Variants in KCNH5 observed in about 807,000 individuals in gnomAD.
KCNH5 encodes potassium voltage-gated channel subfamily H member 5.
KCNH5 carries 46 observed loss-of-function variants against 96.1 expected under a neutral mutation model. The ratio of observed to expected loss-of-function variants is 0.48; its 90% confidence interval spans 0.38 to 0.61. The LOEUF is 0.61. Among genes scored for constraint, KCNH5 ranks in the 20% least tolerant of loss-of-function variants. The pLI is 0.00. For missense variants in KCNH5, 907 were observed against 1,225.8 expected, an observed-to-expected ratio of 0.74 and a Z score of 3.88; for synonymous variants, 439 against 449.8, an observed-to-expected ratio of 0.98 and a Z score of 0.30.
In KCNH5 at chr14:62,890,539, C is replaced by CAA. The variant is rs147455504; in HGVS notation, c.1370-40689_1370-40688dup. Among the ~76,000 whole-genome samples the CAA allele has an allele frequency of 2.6e-3, 382 of 147,628 alleles. 10 individuals are homozygous for CAA. In the East Asian group the frequency reaches 0.05, roughly 19 times the overall value. On this transcript the variant is annotated intron_variant, in intron 7 of 10. Transcript: ENST00000322893. ...TGAAACCCCGTCTCTACTAAAAATA[C>CAA]AAAAAAAAAATTAGCCGGGCGTGGT...
intron 7 of KCNH5, among the ~76,000 whole-genome samples, chr14:62,875,246 C>T (rs1170425420): frequency 1.3e-5 from 2 of 151,070 alleles, no homozygotes; most frequent in Admixed American, 1.3e-4. Context: ...GAATCAATAT[C>T]GTGAAAATGG....
intron 7 of KCNH5, among the ~76,000 whole-genome samples, chr14:62,859,918 G>A (rs1289563139): frequency 2.0e-5 from 3 of 152,228 alleles, no homozygotes; most frequent in Non-Finnish European, 4.4e-5. Flanking sequence ...GGAAGAGAAG[G>A]CAGGGTGGCA....
At chr14:62,979,439 A>G (rs1031162830) in intron 6 of KCNH5, among the ~76,000 whole-genome samples, 1 of 152,056 alleles carries the variant, frequency 6.6e-6, no homozygotes, top group African/African-American at 2.4e-5. Flanking sequence ...GGGAAATAAT[A>G]TTTATATTAT....
intron 9 of KCNH5, among the ~76,000 whole-genome samples, chr14:62,794,142 T>C (rs1361021968): frequency 6.6e-6 from 1 of 151,986 alleles, no homozygotes; most frequent in Non-Finnish European, 1.5e-5. Context: ...AGATACTTAG[T>C]AGCTGATTTA....
chr14:63,043,142 TTA>T (rs1215546225), intron 1 of KCNH5, among the ~76,000 whole-genome samples: 4 of 152,166 alleles, frequency 2.6e-5, no homozygotes, highest in African/African-American at 4.8e-5. Flanking sequence ...AGGTAAATCT[TTA>T]TTTCATAGTA....
intron 8 of KCNH5, among the ~76,000 whole-genome samples, chr14:62,813,029 A>G (rs1210010335): frequency 6.6e-6 from 1 of 152,156 alleles, no homozygotes; most frequent in Non-Finnish European, 1.5e-5. Flanking sequence ...TCAAGTTACA[A>G]CAAATAACCT....
intron 6 of KCNH5, among the ~76,000 whole-genome samples, chr14:62,974,776 T>C (rs1298653131): frequency 6.6e-6 from 1 of 152,214 alleles, no homozygotes; most frequent in African/African-American, 2.4e-5. Context: ...CTATTTTATT[T>C]TTATGTCATT....
At chr14:63,003,605 T>C (rs1891065976) in intron 3 of KCNH5, among the ~76,000 whole-genome samples, 1 of 125,196 alleles carries the variant, frequency 8.0e-6, no homozygotes, top group South Asian at 2.2e-4. Context: ...TATATATTTA[T>C]ATTTATATAT....
chr14:62,851,570 A>G (rs1050785876), intron 7 of KCNH5, among the ~76,000 whole-genome samples: 2 of 151,880 alleles, frequency 1.3e-5, no homozygotes, highest in African/African-American at 4.8e-5. Context: ...GCTATTAAGA[A>G]AAACAAACAG....
At chr14:62,796,623 T>G (rs1886547686) in intron 9 of KCNH5, among the ~76,000 whole-genome samples, 1 of 152,198 alleles carries the variant, frequency 6.6e-6, no homozygotes. Flanking sequence ...TCATGGCCCA[T>G]GTGAACCTGG....
chr14:62,907,582 A>G (rs999692009), intron 7 of KCNH5, among the ~76,000 whole-genome samples: 2 of 152,210 alleles, frequency 1.3e-5, no homozygotes, highest in Non-Finnish European at 2.9e-5. Flanking sequence ...CAGGAAACCA[A>G]GCACTGCAAT....
chr14:62,934,999 A>G (rs1317798460), intron 7 of KCNH5, among the ~76,000 whole-genome samples: 1 of 152,202 alleles, frequency 6.6e-6, no homozygotes, highest in African/African-American at 2.4e-5. Context: ...CCAGAACTCT[A>G]CAACATGATA....
intron 5 of KCNH5, among the ~76,000 whole-genome samples, chr14:62,982,967 T>A (rs902861818): frequency 1.3e-5 from 2 of 152,176 alleles, no homozygotes; most frequent in African/African-American, 4.8e-5. Context: ...TACATAATCA[T>A]GTCTTTTCTT....
At chr14:62,888,798 C>T (rs1888647802) in intron 7 of KCNH5, among the ~76,000 whole-genome samples, 1 of 152,006 alleles carries the variant, frequency 6.6e-6, no homozygotes, top group African/African-American at 2.4e-5. Context: ...GACCTGTATC[C>T]CTCTTCCTAA....
At chr14:63,029,590 C>T (rs1453774825) in intron 1 of KCNH5, among the ~76,000 whole-genome samples, 1 of 148,110 alleles carries the variant, frequency 6.8e-6, no homozygotes, top group South Asian at 2.1e-4. Context: ...TAAATGTTGA[C>T]CTGCAAACCA....
intron 7 of KCNH5, among the ~76,000 whole-genome samples, chr14:62,860,127 C>A (rs1033838426): frequency 7.2e-5 from 11 of 152,290 alleles, no homozygotes; most frequent in Admixed American, 1.3e-4. Flanking sequence ...GACTTGATTA[C>A]CCATAGTCAA....
chr14:62,956,127 G>A (rs1000189594), intron 6 of KCNH5, among the ~76,000 whole-genome samples: 18 of 152,072 alleles, frequency 1.2e-4, no homozygotes, highest in Non-Finnish European at 1.6e-4. Context: ...TCCAATGCCC[G>A]CAATCCCATC....
intron 7 of KCNH5, among the ~76,000 whole-genome samples, chr14:62,873,643 C>T (rs537750298): frequency 2.0e-5 from 3 of 152,188 alleles, no homozygotes; most frequent in African/African-American, 7.2e-5. Flanking sequence ...ATTTTTTTTA[C>T]TTACCTGAAA....
At chr14:62,975,266 G>A (rs1890479106) in intron 6 of KCNH5, among the ~76,000 whole-genome samples, 1 of 152,142 alleles carries the variant, frequency 6.6e-6, no homozygotes, top group Non-Finnish European at 1.5e-5. Flanking sequence ...GAAATATGGT[G>A]AAGATATTAA....
Sources: allele counts gnomAD v4.1 joint callset (sites outside exome capture counted in the v4.1 genomes callset), GRCh38; gene constraint gnomAD v4.1.1; transcripts MANE v1.5; gene names NCBI Gene and HGNC (gene_info 2026-07-23, HGNC 2026-07-21).